The following ATRNL1 variants were observed in gnomAD, a reference collection of about 807,000 sequenced individuals.
ATRNL1 encodes the protein attractin-like protein 1.
In ATRNL1, 95 loss-of-function variants were observed where a neutral mutation model predicts 182.7. The observed-to-expected ratio is 0.52, with a 90% CI of 0.44 to 0.62. ATRNL1 has a LOEUF of 0.62. Ranked by LOEUF, ATRNL1 falls within the 20% of genes least tolerant of loss-of-function variation. ATRNL1 has a pLI of 0.00. For missense variants in ATRNL1, 1,471 were observed against 1,679.5 expected (o/e 0.88, Z 2.17); for synonymous variants, 576 against 568.3 (o/e 1.01, Z -0.19).
At chr10:115,306,503 T>C (rs1458385391) in intron 17 of ATRNL1, among the ~76,000 whole-genome samples, 4 of 152,118 alleles carry the variant, frequency 2.6e-5, no homozygotes, top group Non-Finnish European at 5.9e-5. Flanking sequence ...GTGATTGATG[T>C]GGATCTTTAA....
intron 26 of ATRNL1, among the ~76,000 whole-genome samples, chr10:115,585,882 C>T (rs111872425): frequency 9.4e-5 from 4 of 42,372 alleles, no homozygotes; most frequent in African/African-American, 3.9e-4. Flanking sequence ...GATTTTGCAG[C>T]GGCTGGTACC....
intron 18 of ATRNL1, among the ~76,000 whole-genome samples, chr10:115,325,894 C>CT (rs35564176): frequency 0.025 from 3,584 of 144,276 alleles, 125 homozygotes; most frequent in African/African-American, 0.083. Context: ...GATGTTAAAA[C>CT]TTTTTTTTTT....
chr10:115,142,038 G>A (rs1845772769), intron 5 of ATRNL1, among the ~76,000 whole-genome samples: 1 of 152,020 alleles, frequency 6.6e-6, no homozygotes, highest in Non-Finnish European at 1.5e-5. Flanking sequence ...GATACATCAT[G>A]GAACAAAGAA....
intron 27 of ATRNL1, among the ~76,000 whole-genome samples, chr10:115,808,702 T>C: frequency 6.6e-6 from 1 of 152,202 alleles, no homozygotes; most frequent in East Asian, 1.9e-4. Flanking sequence ...CTAGTCAGCA[T>C]TTTTAATGTT....
Position 115,258,555 on chromosome 10 carries a change from C to T in ATRNL1, c.1688-6638C>T, listed in dbSNP as rs370187239. Among the ~76,000 whole-genome samples, 32 of 152,056 alleles carry T rather than the reference C, an allele frequency of 2.1e-4. No individual in the cohort carries two copies. The East Asian group carries it at 3.7e-3, about 17-fold the overall frequency. ...GTTTTTAGCTTCCTTGCAATGGGTT[C>T]GAACATCCTCCTTTAGCTCAGAGAA... On this transcript the variant is annotated intron_variant, in intron 10 of 28. Coordinates refer to ENST00000355044, the MANE Select transcript of ATRNL1 (RefSeq NM_207303.4).
intron 5 of ATRNL1, among the ~76,000 whole-genome samples, chr10:115,149,914 G>A (rs1846142707): frequency 7.0e-6 from 1 of 143,270 alleles, no homozygotes; most frequent in Non-Finnish European, 1.5e-5. Context: ...GAGGAGAATT[G>A]GCATTAATTC....
intron 22 of ATRNL1, among the ~76,000 whole-genome samples, chr10:115,464,801 T>C (rs1847974114): frequency 6.6e-6 from 1 of 151,476 alleles, no homozygotes; most frequent in South Asian, 2.1e-4. Context: ...CATCCTTTAC[T>C]TTCATAAAAA....
Position 115,444,406 on chromosome 10 carries a change from A to G in ATRNL1, c.3323-17535A>G, listed in dbSNP as rs528682242. 3.5e-4 allele frequency among the ~76,000 whole-genome samples: 53 copies of G among 152,240 alleles called. No homozygotes were observed. The South Asian group carries it at 5.6e-3, about 16-fold the overall frequency. On this transcript the variant is annotated intron_variant, in intron 21 of 28. Transcript: ENST00000355044. Reference sequence around the variant, plus strand: ...ATAGGTATTTATATATTAATATTTAAGTCATATCTGGCTACATTACTGAAT... The same window carrying G: ...ATAGGTATTTATATATTAATATTTAGGTCATATCTGGCTACATTACTGAAT...
chr10:115,610,920 A>AT (rs1857121228), intron 26 of ATRNL1, among the ~76,000 whole-genome samples: 1 of 152,214 alleles, frequency 6.6e-6, no homozygotes, highest in African/African-American at 2.4e-5. Flanking sequence ...ATTAATAAAG[A>AT]TTACCCTGAA....
chr10:115,565,029 A>G (rs1853993081), intron 26 of ATRNL1, among the ~76,000 whole-genome samples: 1 of 151,968 alleles, frequency 6.6e-6, no homozygotes. Flanking sequence ...TCTCTTTACT[A>G]TTTATTTCTA....
At chr10:115,119,179 G>T (rs1293512236) in intron 1 of ATRNL1, among the ~76,000 whole-genome samples, 3 of 152,106 alleles carry the variant, frequency 2.0e-5, no homozygotes, top group African/African-American at 7.2e-5. Context: ...AAAGTAATTT[G>T]CAGGGATTAT....
At chr10:115,284,497 A>G in intron 14 of ATRNL1, among the ~76,000 whole-genome samples, 1 of 152,340 alleles carries the variant, frequency 6.6e-6, no homozygotes, top group East Asian at 1.9e-4. Flanking sequence ...ACACAGTCTT[A>G]TTAAATGATA....
intron 15 of ATRNL1, among the ~76,000 whole-genome samples, chr10:115,290,723 C>G (rs183897299): frequency 6.6e-6 from 1 of 152,092 alleles, no homozygotes; most frequent in Admixed American, 6.5e-5. Context: ...TTCTCTCCTG[C>G]AGAGAGAGAG....
intron 18 of ATRNL1, among the ~76,000 whole-genome samples, chr10:115,332,573 CATT>C (rs1554935393): frequency 2.0e-5 from 3 of 152,248 alleles, no homozygotes; most frequent in Admixed American, 6.5e-5. Context: ...AGTTTAAAAA[CATT>C]ATAATTATTC....
At chr10:115,601,909 A>G (rs1856615670) in intron 26 of ATRNL1, among the ~76,000 whole-genome samples, 2 of 147,636 alleles carry the variant, frequency 1.4e-5, no homozygotes, top group South Asian at 4.2e-4. Flanking sequence ...TTTCCTCTAT[A>G]TTTTCATTGT....
chr10:115,332,325 C>A (rs536307888), intron 18 of ATRNL1, among the ~76,000 whole-genome samples: 124 of 152,214 alleles, frequency 8.1e-4, no homozygotes, highest in African/African-American at 2.8e-3. Context: ...CTTACTTGTG[C>A]ATTCAGGTTT....
intron 26 of ATRNL1, among the ~76,000 whole-genome samples, chr10:115,700,951 T>G (rs971388391): frequency 1.3e-5 from 2 of 152,018 alleles, no homozygotes; most frequent in African/African-American, 4.8e-5. Flanking sequence ...GCTTGACCAT[T>G]TGGACCTAAA....
chr10:115,249,493 A>G (rs782469434), intron 10 of ATRNL1, among the ~76,000 whole-genome samples: 8 of 152,156 alleles, frequency 5.3e-5, no homozygotes, highest in Admixed American at 1.3e-4. Flanking sequence ...TGAGTTTTTA[A>G]TGTAATTATC....
chr10:115,210,810 T>C (rs899695208), intron 8 of ATRNL1, among the ~76,000 whole-genome samples: 2 of 151,952 alleles, frequency 1.3e-5, no homozygotes. Flanking sequence ...AAAATATATA[T>C]ATTTGACTTA....
Sources: allele counts gnomAD v4.1 joint callset (sites outside exome capture counted in the v4.1 genomes callset), GRCh38; gene constraint gnomAD v4.1.1; transcripts MANE v1.5; gene names NCBI Gene and HGNC (gene_info 2026-07-23, HGNC 2026-07-21).